KIF24: variants seen among roughly 807,000 people sequenced by gnomAD.
The protein encoded by KIF24 is kinesin family member 24, also known as kinesin-like protein KIF24.
A neutral mutation model predicts 118.9 loss-of-function variants in KIF24; 81 were observed. The ratio of observed to expected loss-of-function variants is 0.68; its 90% CI spans 0.57 to 0.82. The LOEUF (loss-of-function observed/expected upper bound fraction) is 0.82, where lower values mean the gene tolerates loss of function less well. Among genes scored for constraint, KIF24 ranks in the 40% least tolerant of loss-of-function variants. The pLI is 0.00. For missense variants in KIF24, 1,560 were observed against 1,661.6 expected, an observed-to-expected ratio of 0.94 and a Z score of 1.06; for synonymous variants, 599 against 610.0, an observed-to-expected ratio of 0.98 and a Z score of 0.27.
intron 4 of KIF24, among the ~76,000 whole-genome samples, chr9:34,296,608 A>C (rs568326389): frequency 6.6e-6 from 1 of 152,264 alleles, no homozygotes; most frequent in Non-Finnish European, 1.5e-5. Context: ...CCAAAGAAAA[A>C]ATTAACTAAA....
intron 8 of KIF24, 59 bp downstream of exon 8, chr9:34,269,198 G>C: frequency 3.2e-6 from 3 of 937,800 alleles, no homozygotes; most frequent in Non-Finnish European, 5.1e-6. Flanking sequence ...CACTCTGCCT[G>C]TATGTAATGG....
chr9:34,329,200 C>A lies in KIF24; in HGVS notation c.-120G>T, dbSNP rs1837794398. ...AAAGCCCGCAACCTAACAGTCCCGT[C>A]AACCCGGGAGCCACCGGCGGCGGCC... On this transcript the variant is annotated 5_prime_UTR_variant, in exon 1 of 13. An upstream open reading frame in the 5' UTR loses its in-frame stop. Coordinates refer to ENST00000402558, the MANE Select transcript of KIF24 (RefSeq NM_194313.4). Among the ~76,000 whole-genome samples, 1 of 152,226 alleles carries A rather than the reference C, an allele frequency of 6.6e-6. No homozygotes were observed. Among genetic ancestry groups the A allele is most frequent in the South Asian group, 2.1e-4 (1 of 4,838 alleles).
At chr9:34,274,992 A>G (rs987438969) in intron 6 of KIF24, among the ~76,000 whole-genome samples, 3 of 152,198 alleles carry the variant, frequency 2.0e-5, no homozygotes, top group African/African-American at 4.8e-5. Flanking sequence ...GTTACCACAG[A>G]GGCTGGGAAG....
intron 3 of KIF24, among the ~76,000 whole-genome samples, chr9:34,302,861 C>T (rs538091290): frequency 3.4e-5 from 5 of 145,902 alleles, no homozygotes; most frequent in Admixed American, 2.0e-4. Context: ...CTGCAAGCTC[C>T]GCCTCCCGGG....
chr9:34,285,119 C>G (rs1361610080), intron 6 of KIF24, among the ~76,000 whole-genome samples: 1 of 152,054 alleles, frequency 6.6e-6, no homozygotes, highest in East Asian at 1.9e-4. Context: ...CCTTTACTAT[C>G]TTCTTACATA....
At chr9:34,325,510 T>C (rs921801444) in intron 1 of KIF24, among the ~76,000 whole-genome samples, 2 of 151,946 alleles carry the variant, frequency 1.3e-5, no homozygotes, top group African/African-American at 4.8e-5. Flanking sequence ...CTGGTCAACA[T>C]GGTGAAACCC....
intron 1 of KIF24, among the ~76,000 whole-genome samples, chr9:34,327,622 T>G (rs1356440820): frequency 6.6e-6 from 1 of 152,108 alleles, no homozygotes; most frequent in Non-Finnish European, 1.5e-5. Context: ...AAAGTCTGTA[T>G]GGTCTTTGGA....
Position 34,257,621 on chromosome 9 carries a change from T to C in KIF24, c.1986A>G (p.Pro662=). The C allele has an allele frequency of 1.2e-6, 2 of 1,614,082 alleles. No homozygotes were observed. Among genetic ancestry groups the C allele is most frequent in the Non-Finnish European group, 1.7e-6 (2 of 1,179,902 alleles). Reference sequence around the variant, plus strand: ...CAGAGCACAATGGTGCTGACTCTTCTGGCTTTTTTTTGGCCACATGTCCAG... The same window carrying C: ...CAGAGCACAATGGTGCTGACTCTTCCGGCTTTTTTTTGGCCACATGTCCAG... ...VRSGHVAKKK[P]EESAPLCSEK... is the part of the protein sequence containing the mutation. Residue 662 remains proline, a synonymous_variant, in exon 11 of 13, where the codon CCA becomes CCG. Coordinates refer to ENST00000402558, the MANE Select transcript of KIF24 (RefSeq NM_194313.4).
At chr9:34,305,243 A>G (rs1384482267) in intron 3 of KIF24, among the ~76,000 whole-genome samples, 2 of 152,172 alleles carry the variant, frequency 1.3e-5, no homozygotes, top group Non-Finnish European at 2.9e-5. Context: ...CATTATTTAC[A>G]TGGCTGAGTT....
At chr9:34,281,900 G>A (rs1295296416) in intron 6 of KIF24, among the ~76,000 whole-genome samples, 2 of 152,196 alleles carry the variant, frequency 1.3e-5, no homozygotes, top group African/African-American at 4.8e-5. Context: ...CTGCATGTTA[G>A]AATCACCTGG....
intron 1 of KIF24, among the ~76,000 whole-genome samples, chr9:34,321,510 C>G (rs183220075): frequency 6.7e-6 from 1 of 148,212 alleles, no homozygotes; most frequent in Non-Finnish European, 1.5e-5. Context: ...GGTTCTGTAA[C>G]GCACCCACTA....
chr9:34,266,224 CCCACATATA>C (rs74180555), intron 8 of KIF24, among the ~76,000 whole-genome samples: 149,517 of 151,978 alleles, frequency 0.98, 73,606 homozygotes, highest in South Asian at 1. Flanking sequence ...TACTATAAAT[CCCACATATA>C]CCACATATAT....
chr9:34,280,902 A>C (rs976690931), intron 6 of KIF24, among the ~76,000 whole-genome samples: 17 of 152,172 alleles, frequency 1.1e-4, no homozygotes, highest in Non-Finnish European at 2.1e-4. Context: ...TTGAAAAAGC[A>C]ACAACAAAAT....
Position 34,257,048 on chromosome 9 carries a change from G to A in KIF24, c.2559C>T (p.Asp853=). 2.5e-6 allele frequency: 4 copies of A among 1,614,014 alleles called. No homozygotes were observed. The South Asian group carries it at 4.4e-5, about 18-fold the overall frequency. ...KQRNTLENSE[D]SFFLHQTWGQ... ...CCCACGTCTGGTGCAGGAAGAATGAGTCTTCGCTATTCTCCAGGGTGTTCC... is the reference window on the plus strand; with the variant it reads ...CCCACGTCTGGTGCAGGAAGAATGAATCTTCGCTATTCTCCAGGGTGTTCC... Residue 853 remains aspartate, a synonymous_variant, in exon 11 of 13, where the codon GAC becomes GAT. Coordinates refer to ENST00000402558, the MANE Select transcript of KIF24 (RefSeq NM_194313.4).
chr9:34,278,527 G>A (rs1420612706), intron 6 of KIF24, among the ~76,000 whole-genome samples: 1 of 147,822 alleles, frequency 6.8e-6, no homozygotes, highest in Non-Finnish European at 1.5e-5. Context: ...GAAAAATATA[G>A]CTTTAGAGAT....
chr9:34,254,974 C>T, intron 12 of KIF24, 98 bp downstream of exon 12: 5 of 810,314 alleles, frequency 6.2e-6, no homozygotes, highest in Middle Eastern at 2.3e-4. Flanking sequence ...GCCAGGAGAC[C>T]CTTTCCCCAC....
intron 6 of KIF24, among the ~76,000 whole-genome samples, chr9:34,279,151 G>A (rs1368782248): frequency 3.9e-5 from 6 of 152,082 alleles, no homozygotes; most frequent in Non-Finnish European, 7.4e-5. Context: ...ACATCATTCA[G>A]GGACTTAATA....
chr9:34,319,337 T>C (rs1837438618), intron 1 of KIF24: 1 of 886,738 alleles, frequency 1.1e-6, no homozygotes, highest in East Asian at 2.4e-5. Context: ...GTGGTGGAAG[T>C]TCCCATGACC....
rs1834887037 is a variant in KIF24 at position 34,257,253 on chromosome 9, G to C, written c.2354C>G (p.Pro785Arg). 6.2e-7 allele frequency: 1 copy of C among 1,613,920 alleles called. No homozygotes were observed. The highest frequency in any genetic ancestry group is 1.7e-5 in the Admixed American group (1 of 60,008). Residue 785 changes from proline to arginine, a missense_variant, in exon 11 of 13, where the codon CCA becomes CGA. Pro to Arg is a moderately radical substitution (Grantham distance 103, BLOSUM62 -2). Around this residue, in one of 3 missense-constraint regions of KIF24, gnomAD observed 964 missense variants for 988.0 expected, o/e 0.98. Coordinates refer to ENST00000402558, the MANE Select transcript of KIF24 (RefSeq NM_194313.4). The stretch of plus-strand genomic sequence containing the variant: ...GTACTGGCGTAAAGACCTTTTCAGT[G>C]GTTGGTATTTTAACTTCTGTTGGAG... ...PLLQQKLKYQ[P>R]LKRSLRQYRP... is the part of the protein sequence containing the mutation.
Sources: gnomAD v4.1 joint callset for allele counts (sites outside exome capture counted in the v4.1 genomes callset) on GRCh38, gnomAD v4.1.1 for gene constraint, gnomAD v4.1.1 regional missense constraint, MANE v1.5 for transcripts, NCBI Gene and HGNC (gene_info 2026-07-23, HGNC 2026-07-21) for gene names.